The following CNOT8 variants were observed in gnomAD, a reference collection of about 807,000 sequenced individuals.
The protein encoded by CNOT8 is CAF1-like protein.
Under a neutral mutation model 34.6 loss-of-function variants are expected in CNOT8, and 18 were observed. The ratio of observed to expected loss-of-function variants is 0.52; its 90% CI spans 0.36 to 0.77. The LOEUF is 0.77. Ranked by LOEUF, CNOT8 falls within the 30% of genes least tolerant of loss-of-function variation. The pLI, the probability that CNOT8 is intolerant of heterozygous loss-of-function variation, is 0.00. For missense variants in CNOT8, 189 were observed against 347.9 expected, an observed-to-expected ratio of 0.54 and a Z score of 3.63; for synonymous variants, 101 against 118.8, an observed-to-expected ratio of 0.85 and a Z score of 0.98.
rs114249026 is a variant in CNOT8 at position 154,860,148 on chromosome 5, A to T, written c.-73+1380A>T. ...CTTTAGGGGCTGTGTTGTGCAAATA[A>T]GCATATTTGAAAGCCATAGAGTTGT... On this transcript the variant is annotated intron_variant, in intron 1 of 6. Transcript: ENST00000285896. 8.0e-3 allele frequency among the ~76,000 whole-genome samples: 1,213 copies of T among 152,274 alleles called. 11 individuals are homozygous for T. Among genetic ancestry groups the T allele is most frequent in the African/African-American group, 0.028 (1,174 of 41,554 alleles).
chr5:154,865,788 G>A (rs1376641665), intron 3 of CNOT8, among the ~76,000 whole-genome samples: 1 of 152,094 alleles, frequency 6.6e-6, no homozygotes, highest in Non-Finnish European at 1.5e-5. Context: ...GAATTTTGGG[G>A]GAAATTCTGG....
intron 3 of CNOT8, 31 bp from the exon 4 acceptor site, chr5:154,870,630 C>T (rs994509591): frequency 1.9e-6 from 3 of 1,578,050 alleles, no homozygotes; most frequent in Non-Finnish European, 2.6e-6. Context: ...TCATTATTCA[C>T]CAGTTAATAA....
intron 3 of CNOT8, among the ~76,000 whole-genome samples, chr5:154,868,127 C>CG (rs1428790381): frequency 6.6e-6 from 1 of 151,768 alleles, no homozygotes; most frequent in Non-Finnish European, 1.5e-5. Context: ...CTAGTAGAGA[C>CG]GGGGTTTCAC....
At chr5:154,866,693 A>C (rs1761911279) in intron 3 of CNOT8, among the ~76,000 whole-genome samples, 1 of 152,118 alleles carries the variant, frequency 6.6e-6, no homozygotes, top group Non-Finnish European at 1.5e-5. Context: ...TCACTGGATC[A>C]CTTGAGGCCA....
chr5:154,867,789 C>G (rs1050370462), intron 3 of CNOT8: 1 of 178,804 alleles, frequency 5.6e-6, no homozygotes, highest in South Asian at 7.7e-5. Context: ...CTAGGAAATA[C>G]GAGGTAAAGA....
At chr5:154,863,553 C>G (rs184323068) in intron 2 of CNOT8, among the ~76,000 whole-genome samples, 158 bp downstream of exon 2, 11 of 152,300 alleles carry the variant, frequency 7.2e-5, no homozygotes, top group Admixed American at 5.9e-4. Flanking sequence ...CCTCACCTTT[C>G]CAGGTTGCTG....
chr5:154,861,552 G>C (rs1482199495), intron 1 of CNOT8, among the ~76,000 whole-genome samples: 2 of 152,188 alleles, frequency 1.3e-5, no homozygotes, highest in South Asian at 2.1e-4. Context: ...GATTTTCCTT[G>C]CTCTGTCCCT....
chr5:154,858,473 G>GGAGCGGGCGTGACCAGGCGC, upstream of CNOT8: 1 of 152,402 alleles, frequency 6.6e-6, no homozygotes, highest in South Asian at 2.1e-4. Context: ...CAAAGGGGGA[G>GGAGCGGGCGTGACCAGGCGC]GAGCGGGCGT....
intron 3 of CNOT8, among the ~76,000 whole-genome samples, chr5:154,866,030 A>G (rs1761831202): frequency 6.6e-6 from 1 of 152,158 alleles, no homozygotes; most frequent in Non-Finnish European, 1.5e-5. Flanking sequence ...TTTTGGATGT[A>G]TGCCCAGGAA....
rs1024296301 is a variant in CNOT8, at chr5:154,871,828, C to G, written c.572C>G (p.Ser191Cys). The change falls in exon 5 of 7, where the codon TCC (serine) becomes TGC (cysteine). Residue 191 changes from serine to cysteine, a missense_variant. Physicochemically the swap from Ser to Cys is moderately radical, Grantham distance 112 (BLOSUM62 -1). Transcript: ENST00000285896. ...CATATTCTGAACCTTTTCTTCCCATCCATTTATGATGTGAAATACCTGATG... is the reference window on the plus strand; with the variant it reads ...CATATTCTGAACCTTTTCTTCCCATGCATTTATGATGTGAAATACCTGATG... ...FFHILNLFFP[S>C]IYDVKYLMKS... The G allele has an allele frequency of 1.2e-6, 2 of 1,613,660 alleles. No individual in the cohort carries two copies. Among genetic ancestry groups the G allele is most frequent in the African/African-American group, 2.7e-5 (2 of 74,848 alleles).
chr5:154,860,076 C>G (rs1761177056), intron 1 of CNOT8, among the ~76,000 whole-genome samples: 2 of 152,278 alleles, frequency 1.3e-5, no homozygotes, highest in South Asian at 4.1e-4. Context: ...AGTTTTGAAA[C>G]TTGTTACTGT....
intron 6 of CNOT8, among the ~76,000 whole-genome samples, 198 bp downstream of exon 6, chr5:154,872,849 A>G (rs868507674): frequency 2.0e-5 from 3 of 152,048 alleles, no homozygotes; most frequent in Middle Eastern, 3.4e-3. Flanking sequence ...GCTCACTGCA[A>G]CCTCCGCCTC....
rs1266459433 is a variant in CNOT8, at chr5:154,858,703, G to T, written c.-138G>T. ...GGGCTGCCGTCGCCGCCGTCGGGGA[G>T]TCAGCCCGCCAGCCCGCCAGCTCGT... On this transcript the variant is annotated 5_prime_UTR_variant, in exon 1 of 7. Coordinates refer to ENST00000285896, the MANE Select transcript of CNOT8 (RefSeq NM_001301073.2). 6.6e-6 allele frequency: 1 copy of T among 152,184 alleles called. No individual in the cohort carries two copies. The highest frequency in any genetic ancestry group is 1.5e-5 in the Non-Finnish European group (1 of 68,136). The allele number at this position is 152,184 out of a possible 1,614,324, so 9.4% of individuals were successfully genotyped here.
chr5:154,867,359 T>TA (rs906451131), intron 3 of CNOT8, among the ~76,000 whole-genome samples: 3 of 152,342 alleles, frequency 2.0e-5, no homozygotes, highest in African/African-American at 7.2e-5. Flanking sequence ...GGTAGCATTA[T>TA]ACGACCATTA....
At chr5:154,867,214 T>C (rs1761975702) in intron 3 of CNOT8, among the ~76,000 whole-genome samples, 1 of 152,236 alleles carries the variant, frequency 6.6e-6, no homozygotes, top group Admixed American at 6.5e-5. Flanking sequence ...TGGAATATTA[T>C]GACAGTGTTA....
At chr5:154,862,202 A>G (rs1325880236) in intron 1 of CNOT8, among the ~76,000 whole-genome samples, 1 of 152,166 alleles carries the variant, frequency 6.6e-6, no homozygotes, top group Non-Finnish European at 1.5e-5. Context: ...GAATTGCTGC[A>G]TAGTTTCTTT....
chr5:154,865,410 TTAATTTTAAG>T (rs770986870), intron 3 of CNOT8, 25 bp downstream of exon 3: 1 of 1,544,944 alleles, frequency 6.5e-7, no homozygotes, highest in Non-Finnish European at 8.8e-7. Flanking sequence ...AATAAATGCG[TTAATTTTAAG>T]TTTTGTTTTC....
intron 3 of CNOT8, 152 bp downstream of exon 3, chr5:154,865,537 A>C (rs1761786164): frequency 3.7e-6 from 2 of 544,166 alleles, no homozygotes; most frequent in Non-Finnish European, 6.2e-6. Flanking sequence ...AACAATGAAA[A>C]GATAAACAAC....
chr5:154,861,491 T>C (rs1019619691), intron 1 of CNOT8, among the ~76,000 whole-genome samples: 1 of 152,254 alleles, frequency 6.6e-6, no homozygotes, highest in East Asian at 1.9e-4. Context: ...AGTTTTGTTT[T>C]GCTCCAGATT....
Sources: gnomAD v4.1 joint callset for allele counts (sites outside exome capture counted in the v4.1 genomes callset) on GRCh38, gnomAD v4.1.1 for gene constraint, MANE v1.5 for transcripts, NCBI Gene and HGNC (gene_info 2026-07-23, HGNC 2026-07-21) for gene names.